Variants in RAD54L2 observed in about 807,000 individuals in gnomAD.
RAD54L2 encodes the protein helicase ARIP4.
Under a neutral mutation model 138.4 loss-of-function variants are expected in RAD54L2, and 27 were observed. That is an observed-to-expected ratio of 0.20 (90% CI 0.14 to 0.27). The LOEUF (loss-of-function observed/expected upper bound fraction) is 0.27. Among genes scored for constraint, RAD54L2 ranks in the 10% least tolerant of loss-of-function variants. The pLI is 1.00. For synonymous variants in RAD54L2, 644 were observed against 723.2 expected, an observed-to-expected ratio of 0.89 and a Z score of 1.76; for missense variants, 1,396 against 1,890.2, an observed-to-expected ratio of 0.74 and a Z score of 4.85.
chr3:51,649,527 A>G (rs1311656746), intron 19 of RAD54L2, among the ~76,000 whole-genome samples: 1 of 152,210 alleles, frequency 6.6e-6, no homozygotes, highest in East Asian at 1.9e-4. Flanking sequence ...GAAGGAAAAA[A>G]TGTTAAGGGC....
intron 2 of RAD54L2, among the ~76,000 whole-genome samples, chr3:51,586,249 G>T (rs1057485268): frequency 1.3e-5 from 2 of 151,930 alleles, no homozygotes; most frequent in African/African-American, 2.4e-5. Flanking sequence ...CTCCCAAGTA[G>T]CTGGGACTAC....
At position 51,638,376 on chromosome 3, in the gene RAD54L2, C is replaced by A; in HGVS notation, c.1860+55C>A. On this transcript the variant is annotated intron_variant, in intron 12 of 22. Coordinates refer to ENST00000684192, the MANE Select transcript of RAD54L2 (RefSeq NM_015106.4). The surrounding 1 kb of genome is among the most constrained non-coding windows in gnomAD (Gnocchi z 4.3). ...TGGGGACTAAGGATACACATGGTCC[C>A]AAGGGAGTTACTCCTACTGAGAGTC... 6.3e-7 allele frequency: 1 copy of A among 1,593,266 alleles called. No homozygotes were observed. The highest frequency in any genetic ancestry group is 1.1e-5 in the South Asian group (1 of 89,924).
At chr3:51,600,882 G>A (rs1213539530) in intron 3 of RAD54L2, among the ~76,000 whole-genome samples, 1 of 152,004 alleles carries the variant, frequency 6.6e-6, no homozygotes, top group Non-Finnish European at 1.5e-5. Flanking sequence ...CAGGAGAATC[G>A]CTTGAACCCA....
intron 2 of RAD54L2, among the ~76,000 whole-genome samples, chr3:51,574,569 T>A (rs2106672560): frequency 6.6e-6 from 1 of 152,320 alleles, no homozygotes; most frequent in African/African-American, 2.4e-5. Flanking sequence ...CTCATTGTGG[T>A]TTTGATTTGC....
rs192413733 is a variant in RAD54L2 at position 51,661,189 on chromosome 3, T to C, written c.3409+1071T>C. Reference sequence around the variant, plus strand: ...GTTGCCTAGGCTGGTCTCGAACTCCTGACCTCAAGTGATCCACTCACCTCG... The same window carrying C: ...GTTGCCTAGGCTGGTCTCGAACTCCCGACCTCAAGTGATCCACTCACCTCG... On this transcript the variant is annotated intron_variant, in intron 22 of 22. Transcript: ENST00000684192. Among the ~76,000 whole-genome samples, 295 of 152,198 alleles carry C rather than the reference T, an allele frequency of 1.9e-3. 3 individuals are homozygous for C. Among genetic ancestry groups the C allele is most frequent in the African/African-American group, 6.3e-3 (263 of 41,518 alleles).
At chr3:51,546,269 A>G (rs1698690369) in intron 2 of RAD54L2, among the ~76,000 whole-genome samples, 4 of 152,018 alleles carry the variant, frequency 2.6e-5, no homozygotes, top group Admixed American at 2.6e-4. Flanking sequence ...GCAAGTGACA[A>G]AATAGCAGAC....
chr3:51,630,525 A>G, intron 6 of RAD54L2, 137 bp downstream of exon 6: 3 of 994,806 alleles, frequency 3.0e-6, no homozygotes, highest in Non-Finnish European at 4.4e-6. Context: ...TCTCCTTGGT[A>G]AATATAAGTT....
intron 3 of RAD54L2, among the ~76,000 whole-genome samples, chr3:51,610,007 G>A (rs181204036): frequency 0.011 from 1,626 of 152,030 alleles, 19 homozygotes; most frequent in Non-Finnish European, 0.017. Context: ...GTGGCGGCAG[G>A]CGCCTGTAGT....
At chr3:51,598,009 ACTC>A (rs886214666) in intron 3 of RAD54L2, among the ~76,000 whole-genome samples, 2 of 150,890 alleles carry the variant, frequency 1.3e-5, no homozygotes, top group Admixed American at 1.3e-4. Flanking sequence ...GAAAGCCAGA[ACTC>A]CTGAGAGAGA....
rs774411977 is a variant in RAD54L2, at chr3:51,641,831, G to A, written c.2314G>A (p.Gly772Arg). ...VPCPPGTEGQGAQKWVRNISY... is the reference protein window; with the variant it reads ...VPCPPGTEGQRAQKWVRNISY... Reference sequence around the variant, plus strand: ...CTGTCCACCTGGTACCGAGGGGCAAGGAGCACAGAAGTGGGTTCGAAACAT... The same window carrying A: ...CTGTCCACCTGGTACCGAGGGGCAAAGAGCACAGAAGTGGGTTCGAAACAT... Residue 772 changes from glycine to arginine, a missense_variant, in exon 15 of 23, where the codon GGA (glycine) becomes AGA (arginine). This residue lies in a region of RAD54L2 where 211 missense variants were observed against 273.8 expected (regional missense o/e 0.77). Transcript: ENST00000684192. 13 of 1,596,542 alleles carry A rather than the reference G, an allele frequency of 8.1e-6. No homozygotes were observed. The African/African-American group carries it at 1.6e-4, about 20-fold the overall frequency.
intron 9 of RAD54L2, among the ~76,000 whole-genome samples, chr3:51,634,933 T>G (rs1489834720): frequency 6.6e-6 from 1 of 152,226 alleles, no homozygotes; most frequent in Non-Finnish European, 1.5e-5. Flanking sequence ...CTCATTGGTG[T>G]GGATAATTGA....
chr3:51,601,343 T>C (rs1300510563), intron 3 of RAD54L2, among the ~76,000 whole-genome samples: 2 of 145,452 alleles, frequency 1.4e-5, no homozygotes. Context: ...AGTCTCGCTA[T>C]GTCCCCCAGG....
intron 3 of RAD54L2, among the ~76,000 whole-genome samples, chr3:51,613,381 C>T (rs1254543766): frequency 3.9e-5 from 6 of 152,144 alleles, no homozygotes; most frequent in Admixed American, 3.9e-4. Context: ...TAATTCTTGC[C>T]TATGGTTGCA....
At position 51,663,998 on chromosome 3, in the gene RAD54L2, C is replaced by G. The variant is rs1701858332; in HGVS notation, c.*578C>G. On this transcript the variant is annotated 3_prime_UTR_variant, in exon 23 of 23. Transcript: ENST00000684192. Reference sequence around the variant, plus strand: ...TTGTATGTGTATGTATGGAACAGAGCAGGGGTGAAGGTGGGAGGGGAGGGA... The same window carrying G: ...TTGTATGTGTATGTATGGAACAGAGGAGGGGTGAAGGTGGGAGGGGAGGGA... 1 of 150,668 alleles carries G rather than the reference C, an allele frequency of 6.6e-6. No homozygotes were observed. The allele number at this position is 150,668 out of a possible 1,614,324, so 9.3% of individuals were successfully genotyped here.
intron 3 of RAD54L2, among the ~76,000 whole-genome samples, chr3:51,601,977 C>A (rs35134008): frequency 0.019 from 2,870 of 151,436 alleles, 53 homozygotes; most frequent in Non-Finnish European, 0.028. Flanking sequence ...ATTGTAGGCG[C>A]CTGCCACCAT....
intron 19 of RAD54L2, among the ~76,000 whole-genome samples, chr3:51,650,238 A>G (rs951969261): frequency 4.6e-5 from 7 of 152,370 alleles, no homozygotes; most frequent in East Asian, 3.9e-4. Context: ...AGAGCTAACT[A>G]TGCTAAATAT....
intron 3 of RAD54L2, among the ~76,000 whole-genome samples, chr3:51,617,943 T>C (rs538015302): frequency 5.3e-4 from 80 of 152,170 alleles, no homozygotes; most frequent in Non-Finnish European, 9.9e-4. Context: ...ATTTAATACA[T>C]ACATGTTTCT....
chr3:51,662,641 C>T lies in RAD54L2; in HGVS notation c.3625C>T (p.Leu1209Phe). The T allele has an allele frequency of 6.2e-7, 1 of 1,612,926 alleles. No individual in the cohort carries two copies. Among genetic ancestry groups the T allele is most frequent in the Non-Finnish European group, 8.5e-7 (1 of 1,179,378 alleles). ...CGCCCTGCCTGGCCCCCCGGCCCAACTTATGGACAGCAGTGCTGTTCCCGG... is the reference window on the plus strand; with the variant it reads ...CGCCCTGCCTGGCCCCCCGGCCCAATTTATGGACAGCAGTGCTGTTCCCGG... ...NAALPGPPAQ[L>F]MDSSAVPGTA... Residue 1209 changes from leucine to phenylalanine, a missense_variant, in exon 23 of 23, where the codon CTT becomes TTT. Transcript: ENST00000684192. The surrounding 1 kb of genome is among the most constrained non-coding windows in gnomAD (Gnocchi z 4.6).
intron 2 of RAD54L2, among the ~76,000 whole-genome samples, chr3:51,560,353 CTTTTTT>C (rs1314322184): frequency 4.1e-5 from 6 of 147,438 alleles, no homozygotes; most frequent in Non-Finnish European, 7.5e-5. Flanking sequence ...AAATCATTTT[CTTTTTT>C]TTCTTTTTTT....
Sources: allele counts gnomAD v4.1 joint callset (sites outside exome capture counted in the v4.1 genomes callset), GRCh38; gene constraint gnomAD v4.1.1; regional missense constraint gnomAD v4.1.1; non-coding constraint Gnocchi (gnomAD v3.1); transcripts MANE v1.5; gene names NCBI Gene and HGNC (gene_info 2026-07-23, HGNC 2026-07-21).